TENM3: variants seen among roughly 807,000 people sequenced by gnomAD.
TENM3 encodes the protein teneurin transmembrane protein 3.
TENM3 carries 63 observed loss-of-function variants against 255.1 expected under a neutral mutation model. That is an observed-to-expected ratio of 0.25 (90% CI 0.20 to 0.30). TENM3 has a LOEUF of 0.30. Ranked by LOEUF, TENM3 falls within the 10% of genes least tolerant of loss-of-function variation. The probability of loss-of-function intolerance (pLI) is 1.00; values close to 1 mark genes in which losing one functional copy is unlikely to be tolerated. For synonymous variants in TENM3, 1,306 were observed against 1,322.3 expected (o/e 0.99, Z 0.27); for missense variants, 2,929 against 3,461.1 (o/e 0.85, Z 3.86).
At chr4:182,652,253 AAAAAC>A (rs1753374556) in intron 5 of TENM3, among the ~76,000 whole-genome samples, 1 of 152,214 alleles carries the variant, frequency 6.6e-6, no homozygotes, top group Admixed American at 6.5e-5. Context: ...TAGTCTTAGG[AAAAAC>A]ACTTCACCCA....
At chr4:181,677,778 G>A in the TENM3 span, among the ~76,000 whole-genome samples, 1 of 152,002 alleles carries the variant, frequency 6.6e-6, no homozygotes, top group African/African-American at 2.4e-5. Flanking sequence ...ACTTAGCCCT[G>A]GAGTCTCATT....
chr4:182,069,716 A>ACACACACAC, the TENM3 span, among the ~76,000 whole-genome samples: 6 of 126,078 alleles, frequency 4.8e-5, no homozygotes, highest in Non-Finnish European at 3.4e-5. Context: ...CACACACACA[A>ACACACACAC]ATACACTCTT....
chr4:182,684,729 T>G (rs1352330399), intron 11 of TENM3, among the ~76,000 whole-genome samples: 1 of 152,214 alleles, frequency 6.6e-6, no homozygotes, highest in Non-Finnish European at 1.5e-5. Context: ...TTCGTCATTC[T>G]TAATTTCTCA....
intron 3 of TENM3, among the ~76,000 whole-genome samples, chr4:182,550,869 G>C (rs887420411): frequency 6.6e-6 from 1 of 152,124 alleles, no homozygotes; most frequent in East Asian, 1.9e-4. Flanking sequence ...TCTACCAAAG[G>C]GGCTAAGCAG....
At chr4:181,865,743 G>A in the TENM3 span, among the ~76,000 whole-genome samples, 4 of 152,070 alleles carry the variant, frequency 2.6e-5, no homozygotes, top group African/African-American at 9.7e-5. Context: ...TATGATACAG[G>A]TCCATAGGTT....
the TENM3 span, among the ~76,000 whole-genome samples, chr4:181,873,551 G>T: frequency 5.9e-5 from 9 of 152,162 alleles, no homozygotes; most frequent in Admixed American, 2.0e-4. Flanking sequence ...AATAATTGGG[G>T]ATTTTCTATA....
the TENM3 span, among the ~76,000 whole-genome samples, chr4:181,604,711 T>A: frequency 1.3e-5 from 2 of 152,164 alleles, no homozygotes; most frequent in Admixed American, 6.5e-5. Flanking sequence ...ATGCTTTATG[T>A]GTGGCATTTC....
chr4:181,688,100 T>C, the TENM3 span, among the ~76,000 whole-genome samples: 31 of 152,244 alleles, frequency 2.0e-4, no homozygotes, highest in East Asian at 5.6e-3. Flanking sequence ...CTCTCTATAC[T>C]CTATTTCTAG....
chr4:182,389,661 A>G (rs1157936177), intron 3 of TENM3, among the ~76,000 whole-genome samples: 1 of 151,378 alleles, frequency 6.6e-6, no homozygotes, highest in Non-Finnish European at 1.5e-5. Context: ...ACAAGACTGT[A>G]GTTGCAAAGC....
At chr4:182,328,546 G>A (rs942377077) in intron 2 of TENM3, among the ~76,000 whole-genome samples, 5 of 107,842 alleles carry the variant, frequency 4.6e-5, no homozygotes, top group African/African-American at 1.7e-4. Context: ...GAAAAACACC[G>A]TGATATCTAT....
the TENM3 span, among the ~76,000 whole-genome samples, chr4:182,100,650 C>CACACATATACACACAT: frequency 5.6e-5 from 2 of 35,580 alleles, no homozygotes; most frequent in East Asian, 1.5e-3. Flanking sequence ...TATATATACA[C>CACACATATACACACAT]ATATATACAC....
chr4:182,517,738 G>A (rs59626856), intron 3 of TENM3, among the ~76,000 whole-genome samples: 24,155 of 152,126 alleles, frequency 0.16, 3,089 homozygotes, highest in African/African-American at 0.35. Flanking sequence ...GGTTCTAGGA[G>A]AAGAGATTGA....
the TENM3 span, among the ~76,000 whole-genome samples, chr4:181,888,494 G>GTATATATATGTATATATA: frequency 0.038 from 1,054 of 27,984 alleles, 62 homozygotes; most frequent in Admixed American, 0.066. Context: ...ATAGAAATGT[G>GTATATATATGTATATATA]TATATATATA....
chr4:182,653,897 A>G lies in TENM3; in HGVS notation c.1111+4A>G. ...TCATTACCTTCTGGAGACAATGGTA[A>G]GCGAAAGAATTATGTATCCTGTGTT... On this transcript the variant is annotated splice_donor_region_variant and intron_variant, in intron 6 of 27. Transcript: ENST00000511685. The G allele has an allele frequency of 1.2e-6, 2 of 1,606,310 alleles. No individual in the cohort carries two copies. Among genetic ancestry groups the G allele is most frequent in the South Asian group, 2.2e-5 (2 of 89,480 alleles).
At chr4:182,351,084 A>G (rs1765146774) in intron 3 of TENM3, among the ~76,000 whole-genome samples, 3 of 63,860 alleles carry the variant, frequency 4.7e-5, no homozygotes. Flanking sequence ...AACGTCAGGA[A>G]CAAAGGGCTT....
intron 12 of TENM3, among the ~76,000 whole-genome samples, chr4:182,706,069 G>A (rs192328151): frequency 3.3e-5 from 5 of 152,244 alleles, no homozygotes; most frequent in South Asian, 2.1e-4. Context: ...GGATTTCCAC[G>A]TTGTTTAGTC....
At chr4:182,208,898 A>C (rs556302489) in intron 1 of TENM3, among the ~76,000 whole-genome samples, 6 of 151,842 alleles carry the variant, frequency 4.0e-5, no homozygotes, top group Non-Finnish European at 5.9e-5. Context: ...TTGGAAATCC[A>C]GCTGTCACTT....
At chr4:182,131,042 A>G in the TENM3 span, among the ~76,000 whole-genome samples, 7 of 152,094 alleles carry the variant, frequency 4.6e-5, no homozygotes, top group Non-Finnish European at 8.8e-5. Flanking sequence ...TGGTGTTTCA[A>G]GTGGGTTTTT....
intron 13 of TENM3, among the ~76,000 whole-genome samples, chr4:182,723,176 T>C (rs1281523747): frequency 6.6e-6 from 1 of 152,188 alleles, no homozygotes; most frequent in Non-Finnish European, 1.5e-5. Flanking sequence ...TGAAATGATG[T>C]GAACATGAGG....
Sources: allele counts gnomAD v4.1 joint callset (sites outside exome capture counted in the v4.1 genomes callset), GRCh38; gene constraint gnomAD v4.1.1; transcripts MANE v1.5; gene names NCBI Gene and HGNC (gene_info 2026-07-23, HGNC 2026-07-21).